Variants in SPTAN1 observed in about 807,000 individuals in gnomAD.
The protein encoded by SPTAN1 is spectrin alpha, non-erythrocytic 1.
In SPTAN1, 61 loss-of-function variants were observed where a neutral mutation model predicts 331.3. That is an observed-to-expected ratio of 0.18 (90% CI 0.15 to 0.23). The LOEUF (loss-of-function observed/expected upper bound fraction) is 0.23. Ranked by LOEUF, SPTAN1 falls within the 10% of genes least tolerant of loss-of-function variation. The pLI, the probability that SPTAN1 is intolerant of heterozygous loss-of-function variation, is 1.00. For synonymous variants in SPTAN1, 1,153 were observed against 1,173.9 expected, an observed-to-expected ratio of 0.98 and a Z score of 0.36; for missense variants, 2,043 against 3,147.9, an observed-to-expected ratio of 0.65 and a Z score of 8.40.
chr9:128,624,391 C>G lies in SPTAN1; in HGVS notation c.5896C>G (p.Leu1966Val), dbSNP rs754633182. 1.9e-6 allele frequency: 3 copies of G among 1,614,028 alleles called. No individual in the cohort carries two copies. The South Asian group carries it at 3.3e-5, about 18-fold the overall frequency. Residue 1966 changes from leucine to valine, a missense_variant, in exon 46 of 57, where the codon CTG becomes GTG. Coordinates refer to ENST00000372739, the MANE Select transcript of SPTAN1 (RefSeq NM_001130438.3). ...MKGLNGKVSD[L>V]EKAAAQRKAK... ...GGGCCTGAACGGGAAAGTGTCAGAC[C>G]TGGAGAAAGCTGCAGCCCAGAGAAA... is the stretch of plus-strand genomic sequence containing the variant.
intron 23 of SPTAN1, chr9:128,593,614 G>A (rs1016896877): frequency 1.5e-5 from 3 of 199,644 alleles, no homozygotes; most frequent in Non-Finnish European, 3.1e-5. Flanking sequence ...ACTCAGTACT[G>A]TGCCTGATTT....
Position 128,552,982 on chromosome 9 carries a change from C to A in SPTAN1, c.-4+286C>A, listed in dbSNP as rs1848297383. ...GCCGCCGGGTCCCTCCCAACCACCC[C>A]CAAGCCTGGCTGCGGCGCGGCCCTG... On this transcript the variant is annotated intron_variant, in intron 1 of 56. Coordinates refer to ENST00000372739, the MANE Select transcript of SPTAN1 (RefSeq NM_001130438.3). This position sits in a 1 kb window ranked among gnomAD's most constrained non-coding sequence, Gnocchi z 4.6. 6.6e-6 allele frequency: 1 copy of A among 152,276 alleles called. No individual in the cohort carries two copies. Among genetic ancestry groups the A allele is most frequent in the Non-Finnish European group, 1.5e-5 (1 of 68,082 alleles). 9.4% of individuals were successfully genotyped at this position (152,276 alleles called of 1,614,324 possible). A position where few individuals can be genotyped will look rare whatever the true frequency, so the allele number is the denominator to read the frequency against.
chr9:128,595,629 G>T (rs891526339), intron 24 of SPTAN1, among the ~76,000 whole-genome samples: 2 of 151,672 alleles, frequency 1.3e-5, no homozygotes, highest in South Asian at 4.2e-4. Context: ...TCACAGTGTT[G>T]TGCAACCACC....
chr9:128,626,861 C>T, intron 49 of SPTAN1, 174 bp downstream of exon 49: 1 of 761,416 alleles, frequency 1.3e-6, no homozygotes, highest in Non-Finnish European at 2.2e-6. Context: ...GTCACCCAGG[C>T]TTCAGTGCAG....
rs796053301 is a variant in SPTAN1 at position 128,587,688 on chromosome 9, A to C, written c.2861A>C (p.Gln954Pro). The change falls in exon 20 of 57, where the codon CAG (glutamine) becomes CCG (proline). Residue 954 changes from glutamine (Q) to proline (P), a missense_variant. Around this residue, in one of 12 missense-constraint regions of SPTAN1, gnomAD observed 1,038 missense variants for 1,531.5 expected, o/e 0.68. Coordinates refer to ENST00000372739, the MANE Select transcript of SPTAN1 (RefSeq NM_001130438.3). ...ATCCAGGCTTTGCGAGAACAAGCAC[A>C]GTCCTGCCGGGTAAACTTGTAACAG... ...SSIQALREQA[Q>P]SCRQQVAPTD... The C allele has an allele frequency of 6.2e-7, 1 of 1,614,074 alleles. No homozygotes were observed. The highest frequency in any genetic ancestry group is 8.5e-7 in the Non-Finnish European group (1 of 1,179,944).
At chr9:128,589,706 G>C (rs1853206747) in intron 21 of SPTAN1, among the ~76,000 whole-genome samples, 1 of 151,522 alleles carries the variant, frequency 6.6e-6, no homozygotes, top group Non-Finnish European at 1.5e-5. Context: ...CTCCCGAGCA[G>C]CTGGGACTAC....
intron 46 of SPTAN1, 65 bp downstream of exon 46, chr9:128,624,552 A>G: frequency 1.3e-6 from 2 of 1,583,470 alleles, no homozygotes; most frequent in Non-Finnish European, 1.7e-6. Flanking sequence ...CTTCCGTGTC[A>G]TTGGTTTTCT....
At chr9:128,574,530 A>C in intron 3 of SPTAN1, 145 bp from the exon 4 acceptor site, 16 of 954,458 alleles carry the variant, frequency 1.7e-5, no homozygotes, top group Non-Finnish European at 2.5e-5. Context: ...TAAATTTACT[A>C]TTTCCTCTCA....
intron 27 of SPTAN1, among the ~76,000 whole-genome samples, chr9:128,601,974 A>G (rs1260612262): frequency 6.6e-6 from 1 of 152,208 alleles, no homozygotes; most frequent in Non-Finnish European, 1.5e-5. Context: ...GTCATTGATG[A>G]TATGAATGGG....
chr9:128,632,080 T>G (rs1564329212), intron 52 of SPTAN1, 47 bp from the exon 53 acceptor site: 2 of 1,598,948 alleles, frequency 1.3e-6, no homozygotes, highest in Non-Finnish European at 1.7e-6. Context: ...GGCTGGTGAC[T>G]GAGCTGAGGG....
At chr9:128,561,691 ATAT>A (rs1169149364) in intron 1 of SPTAN1, among the ~76,000 whole-genome samples, 10 of 148,138 alleles carry the variant, frequency 6.8e-5, no homozygotes, top group African/African-American at 2.5e-4. Flanking sequence ...AAAAAAAAGA[ATAT>A]GTCAATATGT....
intron 41 of SPTAN1, among the ~76,000 whole-genome samples, chr9:128,617,183 A>G (rs888160740): frequency 6.6e-6 from 1 of 151,918 alleles, no homozygotes; most frequent in African/African-American, 2.4e-5. Flanking sequence ...AGGTTGCAGT[A>G]AGCAGAGATC....
chr9:128,582,965 T>C (rs1852136231), intron 14 of SPTAN1, 112 bp from the exon 15 acceptor site: 35 of 1,582,042 alleles, frequency 2.2e-5, no homozygotes, highest in Non-Finnish European at 3.0e-5. Flanking sequence ...CACTACTTAA[T>C]GTAAGCCAAC....
intron 3 of SPTAN1, 96 bp downstream of exon 3, chr9:128,568,993 CTT>C: frequency 6.5e-7 from 1 of 1,530,938 alleles, no homozygotes; most frequent in Non-Finnish European, 9.0e-7. Context: ...AAAAGATAGA[CTT>C]TTCCAGCTTT....
intron 24 of SPTAN1, among the ~76,000 whole-genome samples, chr9:128,597,567 A>G (rs944470516): frequency 1.3e-5 from 2 of 152,236 alleles, no homozygotes; most frequent in African/African-American, 2.4e-5. Context: ...TTTGAGTCCA[A>G]TAATTATCTG....
In SPTAN1 at chr9:128,598,467, G is replaced by T. The variant is rs1060503492; in HGVS notation, c.3482G>T (p.Gly1161Val). The change falls in exon 25 of 57, where the codon GGT (glycine) becomes GTT (valine). Residue 1161 changes from glycine to valine, a missense_variant. Coordinates refer to ENST00000372739, the MANE Select transcript of SPTAN1 (RefSeq NM_001130438.3). ...GTAGCTGAAGACCTGGAGTCTGAAG[G>T]TCTCATGGCAGAGGAGGTGCAGGCT... The part of the protein sequence containing the change: ...NKVAEDLESE[G>V]LMAEEVQAVQ... The T allele has an allele frequency of 1.9e-6, 3 of 1,613,030 alleles. No homozygotes were observed. The highest frequency in any genetic ancestry group is 1.7e-6 in the Non-Finnish European group (2 of 1,179,664).
At chr9:128,611,491 A>T (rs77594718) in intron 37 of SPTAN1, 2 of 542,924 alleles carry the variant, frequency 3.7e-6, no homozygotes, top group Non-Finnish European at 6.6e-6. Context: ...CTTCCAGTTC[A>T]TCTACTCCTG....
rs939425609 is a variant in SPTAN1 at position 128,630,308 on chromosome 9, C to A, written c.6708-13C>A. 5 of 1,613,720 alleles carry A rather than the reference C, an allele frequency of 3.1e-6. No individual in the cohort carries two copies. The African/African-American group carries it at 6.7e-5, about 22-fold the overall frequency. On this transcript the variant is annotated splice_polypyrimidine_tract_variant and intron_variant, in intron 51 of 56. Coordinates refer to ENST00000372739, the MANE Select transcript of SPTAN1 (RefSeq NM_001130438.3). Reference sequence around the variant, plus strand: ...GGAGCAGGCCCCTTTCCTCACTGTCCTTCCACGTTTAGGTCCTGTATGGTG... The same window carrying A: ...GGAGCAGGCCCCTTTCCTCACTGTCATTCCACGTTTAGGTCCTGTATGGTG...
chr9:128,589,910 T>G (rs1224160705), intron 21 of SPTAN1, among the ~76,000 whole-genome samples: 1 of 152,208 alleles, frequency 6.6e-6, no homozygotes, highest in Non-Finnish European at 1.5e-5. Context: ...ACAAGCTACA[T>G]CTCAGCCCAG....
Sources: allele counts gnomAD v4.1 joint callset (sites outside exome capture counted in the v4.1 genomes callset), GRCh38; gene constraint gnomAD v4.1.1; regional missense constraint gnomAD v4.1.1; non-coding constraint Gnocchi (gnomAD v3.1); transcripts MANE v1.5; gene names NCBI Gene and HGNC (gene_info 2026-07-23, HGNC 2026-07-21).